The following INIP variants were observed in gnomAD, a reference collection of about 807,000 sequenced individuals.
The protein encoded by INIP is INTS3 and NABP interacting protein.
INIP carries 9 observed loss-of-function variants against 14.0 expected under a neutral mutation model. That is an observed-to-expected ratio of 0.64 (90% CI 0.39 to 1.12). INIP has a LOEUF of 1.12. Among genes scored for constraint, INIP ranks in the 50% most tolerant of loss-of-function variants. The pLI is 0.01. For missense variants in INIP, 78 were observed against 122.7 expected (o/e 0.64, Z 1.72); for synonymous variants, 37 against 41.5 (o/e 0.89, Z 0.41).
chr9:112,703,631 C>T (rs1180219557), intron 2 of INIP, among the ~76,000 whole-genome samples: 2 of 152,090 alleles, frequency 1.3e-5, no homozygotes, highest in Non-Finnish European at 2.9e-5. Context: ...ATATCAAAAT[C>T]GATTGGACTA....
At position 112,687,705 on chromosome 9, in the gene INIP, A is replaced by C. The variant is rs1035897539; in HGVS notation, c.220-72T>G. On this transcript the variant is annotated intron_variant, in intron 4 of 4. Transcript: ENST00000374242. The stretch of plus-strand genomic sequence containing the variant: ...TCACAATTCTTCGACCAAGGCATTA[A>C]AATTACTCTTTCTGAATGCTTGAGA... 8 of 818,956 alleles carry C rather than the reference A, an allele frequency of 9.8e-6. No individual in the cohort carries two copies. In the African/African-American group the frequency reaches 1.0e-4, roughly 11 times the overall value. 50.7% of individuals were successfully genotyped at this position (818,956 alleles called of 1,614,324 possible).
intron 2 of INIP, among the ~76,000 whole-genome samples, chr9:112,706,211 G>T (rs1284184271): frequency 6.6e-6 from 1 of 152,156 alleles, no homozygotes; most frequent in Non-Finnish European, 1.5e-5. Flanking sequence ...ACAAACATTG[G>T]CAAGGATGTG....
At chr9:112,716,980 A>T (rs558241255) in intron 1 of INIP, among the ~76,000 whole-genome samples, 121 of 152,218 alleles carry the variant, frequency 7.9e-4, no homozygotes, top group African/African-American at 2.8e-3. Flanking sequence ...AAAAAAAAGA[A>T]AAGAAAGAAA....
Position 112,716,512 on chromosome 9 carries a change from A to G in INIP, c.-27T>C, listed in dbSNP as rs774754646. On this transcript the variant is annotated 5_prime_UTR_variant, in exon 2 of 5. Transcript: ENST00000374242. ...TTCCTATTTTGTTTCAAGTATGTCC[A>G]GTGGCAATTGGTCAGCACTTCACAA... The G allele has an allele frequency of 6.2e-7, 1 of 1,611,884 alleles. No individual in the cohort carries two copies. Among genetic ancestry groups the G allele is most frequent in the South Asian group, 1.1e-5 (1 of 91,046 alleles).
chr9:112,687,929 C>CA (rs1837737585), intron 4 of INIP, among the ~76,000 whole-genome samples: 1 of 151,774 alleles, frequency 6.6e-6, no homozygotes, highest in Non-Finnish European at 1.5e-5. Flanking sequence ...ACTAAAAATA[C>CA]AAAAAAGTTA....
intron 2 of INIP, among the ~76,000 whole-genome samples, chr9:112,713,458 C>T (rs550837460): frequency 5.3e-5 from 8 of 152,142 alleles, no homozygotes; most frequent in Admixed American, 2.0e-4. Context: ...TTTGGGAGGC[C>T]GAGGTGGGAG....
chr9:112,703,540 G>A lies in INIP; in HGVS notation c.26-9307C>T, dbSNP rs150404455. Among the ~76,000 whole-genome samples, 176 of 152,306 alleles carry A rather than the reference G, an allele frequency of 1.2e-3. 1 individual carries two copies. Among genetic ancestry groups the A allele is most frequent in the African/African-American group, 4.0e-3 (167 of 41,572 alleles). On this transcript the variant is annotated intron_variant, in intron 2 of 4. Coordinates refer to ENST00000374242, the MANE Select transcript of INIP (RefSeq NM_021218.3). ...TTGAGACCAGCCTGGGCAACACAGT[G>A]AGACCCTGTCTCTTTAAAAACAAAA...
intron 1 of INIP, among the ~76,000 whole-genome samples, 162 bp downstream of exon 1, chr9:112,717,825 C>A (rs1396855709): frequency 3.6e-4 from 54 of 152,098 alleles, no homozygotes; most frequent in Non-Finnish European, 2.9e-5. Context: ...GCCGGCTGGG[C>A]CCGGGCTGTG....
At chr9:112,716,068 C>CTTTTT (rs1367600618) in intron 2 of INIP, among the ~76,000 whole-genome samples, 1 of 152,072 alleles carries the variant, frequency 6.6e-6, no homozygotes, top group Non-Finnish European at 1.5e-5. Context: ...TGATGTTCTT[C>CTTTTT]TTTTTTTCTT....
Position 112,716,600 on chromosome 9 carries a change from G to C in INIP, c.-56-59C>G, listed in dbSNP as rs1461728555. 6.9e-6 allele frequency: 6 copies of C among 865,918 alleles called. No individual in the cohort carries two copies. The Admixed American group carries it at 9.3e-5, about 13-fold the overall frequency. The allele number at this position is 865,918 out of a possible 1,614,324, so 53.6% of individuals were successfully genotyped here. A position where few individuals can be genotyped will look rare whatever the true frequency, so the allele number is the denominator to read the frequency against. ...CCATATTTTAATCACAAACTAAAAGGAACAGCTAGCCTCCTTACAATGAAA... is the reference window on the plus strand; with the variant it reads ...CCATATTTTAATCACAAACTAAAAGCAACAGCTAGCCTCCTTACAATGAAA... On this transcript the variant is annotated intron_variant, in intron 1 of 4. Transcript: ENST00000374242.
intron 3 of INIP, among the ~76,000 whole-genome samples, chr9:112,690,500 C>T (rs1837845972): frequency 6.6e-6 from 1 of 152,166 alleles, no homozygotes; most frequent in Non-Finnish European, 1.5e-5. Context: ...TCCTGTAGTT[C>T]AGAAAGACCA....
chr9:112,708,361 A>G (rs889680592), intron 2 of INIP, among the ~76,000 whole-genome samples: 3 of 152,206 alleles, frequency 2.0e-5, no homozygotes, highest in Non-Finnish European at 4.4e-5. Flanking sequence ...TAGACAAGAG[A>G]AAATAGTCAG....
intron 2 of INIP, among the ~76,000 whole-genome samples, chr9:112,709,582 A>G (rs1278767549): frequency 6.6e-6 from 1 of 152,238 alleles, no homozygotes. Flanking sequence ...GCCACATGGT[A>G]GTTGCTTAAT....
intron 2 of INIP, among the ~76,000 whole-genome samples, chr9:112,697,787 GA>G (rs2131294362): frequency 6.6e-6 from 1 of 152,308 alleles, no homozygotes; most frequent in East Asian, 1.9e-4. Context: ...AGGAAAGTAA[GA>G]AGGTATTCTT....
At chr9:112,692,114 G>A (rs371984659) in intron 3 of INIP, among the ~76,000 whole-genome samples, 6 of 152,136 alleles carry the variant, frequency 3.9e-5, no homozygotes, top group Non-Finnish European at 7.3e-5. Context: ...GATTTAACCC[G>A]GGAAGGTTAC....
intron 2 of INIP, among the ~76,000 whole-genome samples, chr9:112,713,726 C>T (rs2131317402): frequency 6.6e-6 from 1 of 152,242 alleles, no homozygotes; most frequent in South Asian, 2.1e-4. Context: ...CACAGTGGCT[C>T]ATGCCTGTAA....
chr9:112,712,246 C>G (rs780272817), intron 2 of INIP, among the ~76,000 whole-genome samples: 1 of 152,156 alleles, frequency 6.6e-6, no homozygotes, highest in Admixed American at 6.5e-5. Context: ...AGGGGAGATC[C>G]CAGGCAGCCC....
intron 2 of INIP, chr9:112,701,743 C>T (rs1219024069): frequency 6.6e-6 from 1 of 151,890 alleles, no homozygotes; most frequent in Non-Finnish European, 1.5e-5. Flanking sequence ...ATCTTTTTAG[C>T]GATTAAGAGA....
At chr9:112,705,992 G>A (rs2131306111) in intron 2 of INIP, among the ~76,000 whole-genome samples, 1 of 152,298 alleles carries the variant, frequency 6.6e-6, no homozygotes, top group African/African-American at 2.4e-5. Context: ...TGGTAAGAGA[G>A]AATAGATTAC....
Sources: gnomAD v4.1 joint callset for allele counts (sites outside exome capture counted in the v4.1 genomes callset) on GRCh38, gnomAD v4.1.1 for gene constraint, MANE v1.5 for transcripts, NCBI Gene and HGNC (gene_info 2026-07-23, HGNC 2026-07-21) for gene names.